The following NTRK2 variants were observed in gnomAD, a reference collection of about 807,000 sequenced individuals.
NTRK2 encodes the protein BDNF/NT-3 growth factors receptor.
A neutral mutation model predicts 94.5 loss-of-function variants in NTRK2; 13 were observed. The ratio of observed to expected loss-of-function variants is 0.14; its 90% CI spans 0.09 to 0.22. The LOEUF (loss-of-function observed/expected upper bound fraction) is 0.22, where lower values mean the gene tolerates loss of function less well. Among genes scored for constraint, NTRK2 ranks in the 10% least tolerant of loss-of-function variants. The probability of loss-of-function intolerance (pLI) is 1.00; values close to 1 mark genes in which losing one functional copy is unlikely to be tolerated. For missense variants in NTRK2, 639 were observed against 1,071.2 expected (o/e 0.60, Z 5.63); for synonymous variants, 372 against 407.4 (o/e 0.91, Z 1.05).
chr9:84,983,932 C>T (rs1827975949), intron 17 of NTRK2, among the ~76,000 whole-genome samples: 2 of 152,182 alleles, frequency 1.3e-5, no homozygotes, highest in Non-Finnish European at 2.9e-5. Flanking sequence ...GGAGCTGGGG[C>T]TCTAGAGTTA....
chr9:84,892,644 G>T (rs1470195162), intron 14 of NTRK2, among the ~76,000 whole-genome samples: 1 of 152,198 alleles, frequency 6.6e-6, no homozygotes, highest in Non-Finnish European at 1.5e-5. Flanking sequence ...TCCTAGGCTG[G>T]GCACAGTGGC....
intron 14 of NTRK2, among the ~76,000 whole-genome samples, chr9:84,895,845 C>T (rs73476430): frequency 7.2e-5 from 11 of 152,262 alleles, no homozygotes; most frequent in East Asian, 3.9e-4. Context: ...TACCTAGCAA[C>T]GCAGGGCAAA....
rs539681381 is a variant in NTRK2 at position 84,745,340 on chromosome 9, A to G, written c.1296+267A>G. 2.0e-5 allele frequency among the ~76,000 whole-genome samples: 3 copies of G among 152,324 alleles called. No homozygotes were observed. In the South Asian group the frequency reaches 6.2e-4, roughly 32 times the overall value. Reference sequence around the variant, plus strand: ...TGTGCTTTAGAAGGGTATCACCAGAAGAGCAAGAAACCAGCTTTATCATTC... The same window carrying G: ...TGTGCTTTAGAAGGGTATCACCAGAGGAGCAAGAAACCAGCTTTATCATTC... On this transcript the variant is annotated intron_variant, in intron 11 of 18. Transcript: ENST00000277120.
intron 14 of NTRK2, among the ~76,000 whole-genome samples, chr9:84,889,142 T>C (rs1041613757): frequency 9.4e-4 from 141 of 149,412 alleles, no homozygotes; most frequent in African/African-American, 3.2e-3. Flanking sequence ...AGGCGCCCGC[T>C]ACCACGCCCG....
chr9:85,010,703 T>C (rs1371769676), intron 17 of NTRK2, among the ~76,000 whole-genome samples: 1 of 152,234 alleles, frequency 6.6e-6, no homozygotes, highest in Non-Finnish European at 1.5e-5. Context: ...CTAATTTTAC[T>C]TTATTCTTAC....
intron 12 of NTRK2, among the ~76,000 whole-genome samples, chr9:84,860,160 AAC>A (rs1162848681): frequency 6.6e-6 from 1 of 152,198 alleles, no homozygotes; most frequent in African/African-American, 2.4e-5. Context: ...AGAGGAGGGA[AAC>A]ACAGTTACTG....
In NTRK2 at chr9:85,026,710, A is replaced by G. The variant is rs1372961664; in HGVS notation, c.*5273A>G. On this transcript the variant is annotated 3_prime_UTR_variant, in exon 19 of 19. Transcript: ENST00000277120. ...AGATGTTTGTATATATCCAGGCCGT[A>G]TACACACACATTTCCATATCTCTCT... The G allele has an allele frequency of 1.3e-5, 3 of 232,912 alleles. No homozygotes were observed. Among genetic ancestry groups the G allele is most frequent in the African/African-American group, 4.4e-5 (2 of 45,336 alleles). 14.4% of individuals were successfully genotyped at this position (232,912 alleles called of 1,614,324 possible).
At chr9:84,723,355 G>A (rs1429781256) in intron 6 of NTRK2, among the ~76,000 whole-genome samples, 1 of 152,160 alleles carries the variant, frequency 6.6e-6, no homozygotes, top group Non-Finnish European at 1.5e-5. Context: ...TAAGTAATGT[G>A]CATAATTTAT....
At chr9:84,939,051 CAA>C (rs138558531) in intron 15 of NTRK2, among the ~76,000 whole-genome samples, 6 of 68,430 alleles carry the variant, frequency 8.8e-5, no homozygotes, top group Middle Eastern at 0.013. Flanking sequence ...GACCCCAACT[CAA>C]AAAAAAAAAA....
intron 16 of NTRK2, among the ~76,000 whole-genome samples, chr9:84,951,248 G>C (rs1391675025): frequency 2.0e-5 from 3 of 152,164 alleles, no homozygotes; most frequent in African/African-American, 7.2e-5. Context: ...GCAGTATTCT[G>C]AGACAATCTT....
intron 2 of NTRK2, among the ~76,000 whole-genome samples, chr9:84,680,477 C>T (rs56134605): frequency 0.054 from 8,270 of 152,302 alleles, 365 homozygotes; most frequent in African/African-American, 0.11. Context: ...CAACCAGTTA[C>T]GATGGAAGGG....
intron 12 of NTRK2, among the ~76,000 whole-genome samples, chr9:84,771,876 T>A (rs1564235257): frequency 6.6e-6 from 1 of 152,364 alleles, no homozygotes; most frequent in African/African-American, 2.4e-5. Context: ...CTTCGGGGTA[T>A]CGTTTGAGAG....
chr9:84,849,472 G>T (rs577691924), intron 12 of NTRK2, among the ~76,000 whole-genome samples: 57 of 152,290 alleles, frequency 3.7e-4, no homozygotes, highest in African/African-American at 1.3e-3. Flanking sequence ...ATGGATCCGT[G>T]CTATACCAAA....
intron 12 of NTRK2, among the ~76,000 whole-genome samples, chr9:84,841,916 G>A (rs2131796229): frequency 1.3e-5 from 2 of 152,340 alleles, no homozygotes; most frequent in Admixed American, 1.3e-4. Context: ...CTAGGGCACA[G>A]CAAGGTTCAG....
chr9:84,965,748 A>T (rs1263689274), intron 17 of NTRK2, among the ~76,000 whole-genome samples: 3 of 152,184 alleles, frequency 2.0e-5, no homozygotes, highest in Non-Finnish European at 2.9e-5. Flanking sequence ...TCTTCTTGTA[A>T]GTCTTTCAAA....
intron 17 of NTRK2, among the ~76,000 whole-genome samples, chr9:85,001,175 G>GTTCT (rs997145271): frequency 9.9e-5 from 15 of 151,412 alleles, no homozygotes; most frequent in African/African-American, 3.4e-4. Context: ...TCTGGTGCTA[G>GTTCT]TTCTTCCTGT....
intron 14 of NTRK2, among the ~76,000 whole-genome samples, chr9:84,882,721 C>T (rs78152588): frequency 0.053 from 5,875 of 110,808 alleles, 120 homozygotes; most frequent in African/African-American, 0.06. Context: ...TGTGTGTGTG[C>T]GCGCGCGCGC....
chr9:84,720,758 G>A (rs1452009903), intron 6 of NTRK2, among the ~76,000 whole-genome samples: 1 of 152,024 alleles, frequency 6.6e-6, no homozygotes, highest in Non-Finnish European at 1.5e-5. Context: ...AATCGTAAGA[G>A]ACATTGCATC....
intron 14 of NTRK2, among the ~76,000 whole-genome samples, chr9:84,929,427 A>C (rs1430110077): frequency 6.6e-6 from 1 of 152,024 alleles, no homozygotes; most frequent in African/African-American, 2.4e-5. Context: ...TATAGCTCTT[A>C]TTTGATTCCT....
Sources: gnomAD v4.1 joint callset for allele counts (sites outside exome capture counted in the v4.1 genomes callset) on GRCh38, gnomAD v4.1.1 for gene constraint, MANE v1.5 for transcripts, NCBI Gene and HGNC (gene_info 2026-07-23, HGNC 2026-07-21) for gene names.